Variants in SHROOM3 observed in about 807,000 individuals in gnomAD.
SHROOM3 encodes protein Shroom3.
Under a neutral mutation model 138.6 loss-of-function variants are expected in SHROOM3, and 47 were observed. The ratio of observed to expected loss-of-function variants is 0.34; its 90% CI spans 0.27 to 0.43. The LOEUF (loss-of-function observed/expected upper bound fraction) is 0.43. Among genes scored for constraint, SHROOM3 ranks in the 20% least tolerant of loss-of-function variants. SHROOM3 has a pLI of 1.00. For missense variants in SHROOM3, 2,491 were observed against 2,596.5 expected (o/e 0.96, Z 0.88); for synonymous variants, 1,062 against 1,063.3 (o/e 1.00, Z 0.02).
chr4:76,762,695 C>G (rs1285576523), intron 9 of SHROOM3, among the ~76,000 whole-genome samples: 8 of 152,194 alleles, frequency 5.3e-5, no homozygotes, highest in Admixed American at 5.2e-4. Context: ...GAGAACACAC[C>G]TTCTCTGTTT....
At position 76,779,213 on chromosome 4, in the gene SHROOM3, TC is replaced by T. The variant is rs1331266469; in HGVS notation, c.*37del. 6.4e-7 allele frequency: 1 copy of T among 1,568,226 alleles called. No individual in the cohort carries two copies. The highest frequency in any genetic ancestry group is 1.8e-5 in the Admixed American group (1 of 54,900). On this transcript the variant is annotated 3_prime_UTR_variant, in exon 11 of 11. Transcript: ENST00000296043. ...AATACCCAACCAAAAGATCACTGTT[TC>T]TCTCAACACTATTTAATCTGAAAAA...
intron 1 of SHROOM3, among the ~76,000 whole-genome samples, chr4:76,494,127 A>T (rs558201790): frequency 6.7e-6 from 1 of 150,182 alleles, no homozygotes; most frequent in African/African-American, 2.4e-5. Context: ...TCCCTAATTC[A>T]ATTAATATCT....
intron 9 of SHROOM3, among the ~76,000 whole-genome samples, chr4:76,762,906 G>A (rs1722031511): frequency 6.6e-6 from 1 of 152,156 alleles, no homozygotes; most frequent in Non-Finnish European, 1.5e-5. Context: ...CCTCCTCCAG[G>A]AAGATAAAAC....
intron 1 of SHROOM3, among the ~76,000 whole-genome samples, chr4:76,548,410 C>T (rs1473611188): frequency 6.6e-6 from 1 of 152,178 alleles, no homozygotes; most frequent in Non-Finnish European, 1.5e-5. Flanking sequence ...CAGCTCCACC[C>T]TTTCTCACTT....
intron 2 of SHROOM3, chr4:76,637,777 C>A (rs1358857583): frequency 6.6e-6 from 1 of 152,204 alleles, no homozygotes; most frequent in Non-Finnish European, 1.5e-5. Context: ...GGAAACCACC[C>A]TCATCACTAG....
chr4:76,678,516 T>A (rs2110101909), intron 2 of SHROOM3, among the ~76,000 whole-genome samples: 1 of 152,314 alleles, frequency 6.6e-6, no homozygotes, highest in South Asian at 2.1e-4. Flanking sequence ...AATATTTATA[T>A]GTAGTCAAGA....
chr4:76,630,105 A>G (rs182237938), intron 2 of SHROOM3, among the ~76,000 whole-genome samples: 2 of 152,292 alleles, frequency 1.3e-5, no homozygotes, highest in South Asian at 2.1e-4. Flanking sequence ...AACCAGCTAC[A>G]CTTGTTAGTT....
chr4:76,770,237 C>T (rs1483868346), intron 9 of SHROOM3, among the ~76,000 whole-genome samples: 4 of 146,070 alleles, frequency 2.7e-5, no homozygotes, highest in Non-Finnish European at 4.5e-5. Context: ...GCAGGAGAAT[C>T]GCTTGAACCC....
At chr4:76,675,019 T>G (rs1718991715) in intron 2 of SHROOM3, among the ~76,000 whole-genome samples, 1 of 152,190 alleles carries the variant, frequency 6.6e-6, no homozygotes, top group African/African-American at 2.4e-5. Flanking sequence ...TGGCAGTTAG[T>G]TAATAAGAAA....
chr4:76,745,895 C>T (rs1371935598), intron 5 of SHROOM3, among the ~76,000 whole-genome samples: 3 of 152,274 alleles, frequency 2.0e-5, no homozygotes, highest in South Asian at 2.1e-4. Context: ...GCACGAGAAT[C>T]GCTTGAACTC....
chr4:76,567,170 G>A (rs1205394936), intron 2 of SHROOM3, among the ~76,000 whole-genome samples: 1 of 152,188 alleles, frequency 6.6e-6, no homozygotes, highest in African/African-American at 2.4e-5. Context: ...TGGTTAGTGT[G>A]TTTATTGTTT....
rs200911899 is a variant in SHROOM3, at chr4:76,691,255, T to C, written c.324-18901T>C. On this transcript the variant is annotated intron_variant, in intron 2 of 10. Transcript: ENST00000296043. ...TTCACTTCCCTGGAGATTTTAAGAATAGGATAAACATCCATCTGCCTAGGA... is the reference window on the plus strand; with the variant it reads ...TTCACTTCCCTGGAGATTTTAAGAACAGGATAAACATCCATCTGCCTAGGA... Among the ~76,000 whole-genome samples the C allele has an allele frequency of 7.2e-5, 11 of 152,284 alleles. No homozygotes were observed. In the East Asian group the frequency reaches 1.5e-3, roughly 21 times the overall value.
intron 1 of SHROOM3, among the ~76,000 whole-genome samples, chr4:76,515,665 G>A (rs1168954233): frequency 6.6e-6 from 1 of 152,096 alleles, no homozygotes; most frequent in Non-Finnish European, 1.5e-5. Context: ...CTTGGTTAAT[G>A]TTTCTGGGTT....
chr4:76,661,150 ACT>A (rs1412991979), intron 2 of SHROOM3, among the ~76,000 whole-genome samples: 3 of 151,512 alleles, frequency 2.0e-5, no homozygotes, highest in Admixed American at 6.6e-5. Context: ...AAAATGTGTG[ACT>A]CTTGAGTATT....
intron 4 of SHROOM3, among the ~76,000 whole-genome samples, chr4:76,735,876 T>A (rs1224930177): frequency 1.2e-3 from 34 of 28,488 alleles, no homozygotes; most frequent in South Asian, 5.0e-3. Flanking sequence ...AAAATATATA[T>A]ATATATATAT....
In SHROOM3 at chr4:76,740,052, G is replaced by A. The variant is rs1365809655; in HGVS notation, c.1879G>A (p.Glu627Lys). 6.2e-6 allele frequency: 10 copies of A among 1,613,724 alleles called. No individual in the cohort carries two copies. Among genetic ancestry groups the A allele is most frequent in the Non-Finnish European group, 6.8e-6 (8 of 1,180,044 alleles). The change falls in exon 5 of 11, where the codon GAG becomes AAG. Residue 627 changes from glutamate (E) to lysine (K), a missense_variant. This residue lies in a region of SHROOM3 where 1,733 missense variants were observed against 1,661.6 expected (regional missense o/e 1.04). Coordinates refer to ENST00000296043, the MANE Select transcript of SHROOM3 (RefSeq NM_020859.4). The surrounding 1 kb of genome is among the most constrained non-coding windows in gnomAD (Gnocchi z 4.0). ...KRSSRLSEPW[E>K]GDFQEDHNAN... ...ATCTTCCAGGCTCTCAGAGCCCTGG[G>A]AGGGCGATTTCCAGGAAGACCACAA...
Position 76,451,999 on chromosome 4 carries a change from T to G in SHROOM3, c.168+15779T>G, listed in dbSNP as rs1050690551. Among the ~76,000 whole-genome samples, 4 of 152,088 alleles carry G rather than the reference T, an allele frequency of 2.6e-5. No individual in the cohort carries two copies. The East Asian group carries it at 7.7e-4, about 29-fold the overall frequency. On this transcript the variant is annotated intron_variant, in intron 1 of 10. Transcript: ENST00000296043. ...GGGACTATAGGCGTGCGCCACCATG[T>G]CTAGCAGAAATTTTAAATCAGTGAG...
intron 1 of SHROOM3, among the ~76,000 whole-genome samples, chr4:76,506,154 C>A (rs1016295916): frequency 2.0e-5 from 3 of 151,410 alleles, no homozygotes; most frequent in African/African-American, 7.3e-5. Context: ...TGTTCTCACT[C>A]ATAAGTGGGA....
At chr4:76,628,554 T>C (rs1418283319) in intron 2 of SHROOM3, among the ~76,000 whole-genome samples, 1 of 152,212 alleles carries the variant, frequency 6.6e-6, no homozygotes, top group Non-Finnish European at 1.5e-5. Flanking sequence ...ACTTGTCCTT[T>C]ACTTCACTCA....
Sources: gnomAD v4.1 joint callset for allele counts (sites outside exome capture counted in the v4.1 genomes callset) on GRCh38, gnomAD v4.1.1 for gene constraint, gnomAD v4.1.1 regional missense constraint, Gnocchi (gnomAD v3.1) non-coding constraint, MANE v1.5 for transcripts, NCBI Gene and HGNC (gene_info 2026-07-23, HGNC 2026-07-21) for gene names.